The following SHANK2 variants were observed in gnomAD, a reference collection of about 807,000 sequenced individuals.
The protein encoded by SHANK2 is SH3 and multiple ankyrin repeat domains protein 2.
Under a neutral mutation model 133.7 loss-of-function variants are expected in SHANK2, and 43 were observed. The ratio of observed to expected loss-of-function variants is 0.32; its 90% CI spans 0.25 to 0.41. The LOEUF is 0.41. SHANK2 is among the 10% of genes least tolerant of loss of function. The probability of loss-of-function intolerance (pLI) is 1.00; values close to 1 mark genes in which losing one functional copy is unlikely to be tolerated. For missense variants in SHANK2, 1,994 were observed against 2,235.8 expected (o/e 0.89, Z 2.18); for synonymous variants, 1,017 against 952.8 (o/e 1.07, Z -1.24).
Position 71,089,836 on chromosome 11 carries a change from C to T in SHANK2, c.912+2586G>A, listed in dbSNP as rs923965955. 2.6e-4 allele frequency among the ~76,000 whole-genome samples: 39 copies of T among 152,288 alleles called. 2 individuals are homozygous for T. Among genetic ancestry groups the T allele is most frequent in the African/African-American group, 8.9e-4 (37 of 41,550 alleles). ...GCCAGGCCTGACACTGACACACAGC[C>T]GAGGGATGGCAGGGCCATCTGGGGC... On this transcript the variant is annotated intron_variant, in intron 8 of 25. Coordinates refer to ENST00000601538, the MANE Select transcript of SHANK2 (RefSeq NM_012309.5).
chr11:70,584,645 A>G (rs79367606), intron 17 of SHANK2, among the ~76,000 whole-genome samples: 2,602 of 152,244 alleles, frequency 0.017, 60 homozygotes, highest in East Asian at 0.05. Context: ...TCCTGCAGAA[A>G]TCATGGTAAA....
At chr11:70,578,458 C>T (rs1279947993) in intron 17 of SHANK2, among the ~76,000 whole-genome samples, 2 of 152,196 alleles carry the variant, frequency 1.3e-5, no homozygotes, top group Non-Finnish European at 2.9e-5. Flanking sequence ...TCACGACGCA[C>T]AGCCTTCCCA....
intron 2 of SHANK2, among the ~76,000 whole-genome samples, chr11:71,189,445 G>A (rs1189801413): frequency 6.6e-6 from 1 of 152,148 alleles, no homozygotes; most frequent in Non-Finnish European, 1.5e-5. Flanking sequence ...TGTCCAGGCT[G>A]GAGTGCAGTA....
Position 70,798,564 on chromosome 11 carries a change from C to A in SHANK2, c.1664-8G>T, listed in dbSNP as rs782583508. On this transcript the variant is annotated splice_polypyrimidine_tract_variant and splice_region_variant and intron_variant, in intron 13 of 25. Transcript: ENST00000601538. ...CTTCACCGATGCTCAGAACTAGAGACGACAAAAAGGGAGAGGTGTTAGCAG... is the reference window on the plus strand; with the variant it reads ...CTTCACCGATGCTCAGAACTAGAGAAGACAAAAAGGGAGAGGTGTTAGCAG... 1.5e-4 allele frequency: 110 copies of A among 718,190 alleles called. 1 individual carries two copies. Among genetic ancestry groups the A allele is most frequent in the Non-Finnish European group, 2.3e-4 (90 of 385,034 alleles). 44.5% of individuals were successfully genotyped at this position (718,190 alleles called of 1,614,324 possible).
chr11:70,904,086 A>G (rs1359026034), intron 10 of SHANK2, among the ~76,000 whole-genome samples: 1 of 152,196 alleles, frequency 6.6e-6, no homozygotes, highest in African/African-American at 2.4e-5. Context: ...CATCAAGGAC[A>G]CCTGTAGACT....
intron 17 of SHANK2, among the ~76,000 whole-genome samples, chr11:70,648,492 T>C (rs1263632865): frequency 1.3e-5 from 2 of 152,216 alleles, no homozygotes; most frequent in Admixed American, 6.5e-5. Context: ...TTTATTTGTG[T>C]CTGACATGAT....
At chr11:71,247,054 A>G (rs1260027567) in intron 1 of SHANK2, among the ~76,000 whole-genome samples, 1 of 152,232 alleles carries the variant, frequency 6.6e-6, no homozygotes, top group Non-Finnish European at 1.5e-5. Flanking sequence ...GCAGAGAAGT[A>G]TGCTAGGTTG....
intron 10 of SHANK2, among the ~76,000 whole-genome samples, chr11:70,899,587 A>G (rs1949994830): frequency 6.6e-6 from 1 of 152,188 alleles, no homozygotes; most frequent in African/African-American, 2.4e-5. Context: ...AGAGAGTCAG[A>G]AGCTGAGGTG....
intron 3 of SHANK2, among the ~76,000 whole-genome samples, chr11:71,141,245 C>A (rs1442243450): frequency 5.9e-5 from 9 of 152,048 alleles, no homozygotes; most frequent in African/African-American, 2.2e-4. Flanking sequence ...AGGCTGACAG[C>A]AGTTTGGGAG....
chr11:70,490,057 C>G (rs1270988110), intron 23 of SHANK2: 7 of 360,862 alleles, frequency 1.9e-5, no homozygotes, highest in Non-Finnish European at 3.1e-5. Flanking sequence ...GATTTTGTGT[C>G]CTTCAGGGGG....
chr11:70,831,541 C>A (rs1555058446), intron 11 of SHANK2, among the ~76,000 whole-genome samples: 1 of 152,220 alleles, frequency 6.6e-6, no homozygotes, highest in African/African-American at 2.4e-5. Context: ...AGGCATCCCA[C>A]AGACTCACCC....
intron 14 of SHANK2, among the ~76,000 whole-genome samples, chr11:70,754,164 G>A (rs1205337388): frequency 1.3e-5 from 2 of 152,304 alleles, no homozygotes; most frequent in Non-Finnish European, 2.9e-5. Flanking sequence ...CAGTGATTTC[G>A]CTGGTGAATT....
chr11:71,066,065 G>A (rs1442273953), intron 9 of SHANK2, among the ~76,000 whole-genome samples: 7 of 134,620 alleles, frequency 5.2e-5, no homozygotes, highest in South Asian at 2.6e-4. Flanking sequence ...CTCCCAGGGA[G>A]ATGAGCAGTG....
At chr11:70,910,101 A>G (rs1950168491) in intron 10 of SHANK2, among the ~76,000 whole-genome samples, 2 of 152,152 alleles carry the variant, frequency 1.3e-5, no homozygotes, top group African/African-American at 4.8e-5. Flanking sequence ...GACACTGGTC[A>G]TATCAGATTA....
At chr11:71,094,365 T>C (rs1555094842) in intron 7 of SHANK2, among the ~76,000 whole-genome samples, 172 bp downstream of exon 7, 17 of 152,032 alleles carry the variant, frequency 1.1e-4, no homozygotes, top group Non-Finnish European at 1.5e-5. Flanking sequence ...CAGGAAAATC[T>C]GAAACCTGGC....
Position 70,889,618 on chromosome 11 carries a change from C to T in SHANK2, c.1174+6883G>A, listed in dbSNP as rs1459208873. Among the ~76,000 whole-genome samples, 19 of 152,290 alleles carry T rather than the reference C, an allele frequency of 1.2e-4. No homozygotes were observed. The East Asian group carries it at 2.3e-3, about 19-fold the overall frequency. ...GAAACCGCAGTTCCAGAGGAACCCT[C>T]GACCACTGAGTCAGACTCTGATGGT... On this transcript the variant is annotated intron_variant, in intron 11 of 25. Transcript: ENST00000601538.
chr11:71,163,421 G>GA (rs1258475775), intron 2 of SHANK2, among the ~76,000 whole-genome samples: 7 of 152,200 alleles, frequency 4.6e-5, no homozygotes, highest in African/African-American at 1.7e-4. Flanking sequence ...CTTGTGGGGG[G>GA]ATCTCAGTGG....
At chr11:70,505,232 G>A (rs1311356018) in intron 17 of SHANK2, among the ~76,000 whole-genome samples, 1 of 152,188 alleles carries the variant, frequency 6.6e-6, no homozygotes. Context: ...AAAGGCCAAG[G>A]CCTGAGAGCA....
intron 12 of SHANK2, among the ~76,000 whole-genome samples, chr11:70,817,593 T>C (rs1289305608): frequency 6.6e-6 from 1 of 152,182 alleles, no homozygotes; most frequent in African/African-American, 2.4e-5. Flanking sequence ...GGGACAGTCT[T>C]GGCCGAGCTC....
Sources: gnomAD v4.1 joint callset for allele counts (sites outside exome capture counted in the v4.1 genomes callset) on GRCh38, gnomAD v4.1.1 for gene constraint, MANE v1.5 for transcripts, NCBI Gene and HGNC (gene_info 2026-07-23, HGNC 2026-07-21) for gene names.